CSMD1: variants seen among roughly 807,000 people sequenced by gnomAD.
CSMD1 encodes the protein CUB and Sushi multiple domains 1.
Under a neutral mutation model 417.5 loss-of-function variants are expected in CSMD1, and 213 were observed. The ratio of observed to expected loss-of-function variants is 0.51; its 90% CI spans 0.46 to 0.57. CSMD1 has a LOEUF of 0.57. Ranked by LOEUF, CSMD1 falls within the 20% of genes least tolerant of loss-of-function variation. The pLI is 0.00. For missense variants in CSMD1, 6,923 were observed against 4,529.7 expected (o/e 1.53, Z -15.17); for synonymous variants, 2,862 against 1,736.8 (o/e 1.65, Z -16.11).
In CSMD1 at chr8:3,452,368, T is replaced by G. The variant is rs527371021; in HGVS notation, c.1561+16344A>C. On this transcript the variant is annotated intron_variant, in intron 12 of 69. Coordinates refer to ENST00000635120, the MANE Select transcript of CSMD1 (RefSeq NM_033225.6). The stretch of plus-strand genomic sequence containing the variant: ...CCAACTCTATGTTGAATAGCAGTGG[T>G]GAGAGAGGGCACTCCTGTCTTGTGC... Among the ~76,000 whole-genome samples the G allele has an allele frequency of 4.1e-4, 62 of 152,304 alleles. 2 individuals are homozygous for G. The highest frequency in any genetic ancestry group is 1.4e-3 in the African/African-American group (60 of 41,572).
At chr8:3,821,978 C>T (rs1801761815) in intron 5 of CSMD1, among the ~76,000 whole-genome samples, 1 of 152,148 alleles carries the variant, frequency 6.6e-6, no homozygotes. Context: ...TTTCCCTTCA[C>T]ATTCTTTGCT....
chr8:4,108,306 T>A (rs910007325), intron 3 of CSMD1, among the ~76,000 whole-genome samples: 1 of 152,208 alleles, frequency 6.6e-6, no homozygotes, highest in Admixed American at 6.5e-5. Context: ...TAAACTCATA[T>A]GACAATTGTA....
At chr8:3,810,028 C>A (rs897879917) in intron 5 of CSMD1, among the ~76,000 whole-genome samples, 1 of 152,166 alleles carries the variant, frequency 6.6e-6, no homozygotes, top group Non-Finnish European at 1.5e-5. Flanking sequence ...TTAATTGCTG[C>A]CATGTCTGTA....
At chr8:4,754,959 A>G (rs1465728624) in intron 1 of CSMD1, among the ~76,000 whole-genome samples, 5 of 152,078 alleles carry the variant, frequency 3.3e-5, no homozygotes, top group African/African-American at 1.2e-4. Flanking sequence ...CAACATAGTG[A>G]AACCCTGTCT....
intron 5 of CSMD1, among the ~76,000 whole-genome samples, chr8:3,857,296 G>A (rs142884289): frequency 1.6e-3 from 249 of 152,200 alleles, no homozygotes; most frequent in African/African-American, 5.8e-3. Flanking sequence ...TTTAGCATTA[G>A]GAGGGTTTTT....
intron 12 of CSMD1, among the ~76,000 whole-genome samples, chr8:3,445,521 C>A (rs1000295081): frequency 2.0e-5 from 3 of 152,126 alleles, no homozygotes; most frequent in Non-Finnish European, 2.9e-5. Context: ...GTGCACAACT[C>A]TTTTCATTAC....
intron 21 of CSMD1, among the ~76,000 whole-genome samples, chr8:3,355,559 G>GT (rs1278842173): frequency 2.0e-5 from 3 of 152,138 alleles, no homozygotes; most frequent in Non-Finnish European, 4.4e-5. Context: ...CCCAGGACTT[G>GT]TACATAAGCG....
intron 5 of CSMD1, among the ~76,000 whole-genome samples, chr8:3,766,549 C>T (rs1179832398): frequency 6.6e-6 from 1 of 151,996 alleles, no homozygotes; most frequent in Non-Finnish European, 1.5e-5. Flanking sequence ...GCAGTCGGCA[C>T]TGGCAATGGA....
At chr8:4,914,902 A>T (rs1195781516) in intron 1 of CSMD1, among the ~76,000 whole-genome samples, 2 of 152,214 alleles carry the variant, frequency 1.3e-5, no homozygotes, top group Non-Finnish European at 2.9e-5. Context: ...GGTATTCCCA[A>T]GTCACAGAAA....
chr8:4,132,116 C>G (rs975131681), intron 3 of CSMD1, among the ~76,000 whole-genome samples: 1 of 151,388 alleles, frequency 6.6e-6, no homozygotes, highest in African/African-American at 2.4e-5. Flanking sequence ...TCCCCAAAGT[C>G]TGTCTTGACA....
At chr8:3,332,282 T>C (rs1806954973) in intron 23 of CSMD1, among the ~76,000 whole-genome samples, 1 of 152,248 alleles carries the variant, frequency 6.6e-6, no homozygotes, top group African/African-American at 2.4e-5. Flanking sequence ...GCCCTCTTGC[T>C]TTGCATGTGA....
At chr8:3,459,049 G>C (rs751512540) in intron 12 of CSMD1, among the ~76,000 whole-genome samples, 2 of 152,234 alleles carry the variant, frequency 1.3e-5, no homozygotes, top group Non-Finnish European at 2.9e-5. Context: ...CCGGAGAGAA[G>C]GGAAGCGGCA....
chr8:3,574,753 A>T (rs970578413), intron 10 of CSMD1, among the ~76,000 whole-genome samples, 192 bp downstream of exon 10: 4 of 152,230 alleles, frequency 2.6e-5, no homozygotes, highest in African/African-American at 9.6e-5. Context: ...CAGTGAGAAT[A>T]CTCACTTTGC....
intron 3 of CSMD1, among the ~76,000 whole-genome samples, chr8:4,255,488 C>G (rs566115138): frequency 6.6e-5 from 10 of 152,302 alleles, no homozygotes; most frequent in African/African-American, 2.2e-4. Flanking sequence ...CATTATAGAT[C>G]TCATTTGAAA....
chr8:4,166,340 C>T (rs532492361), intron 3 of CSMD1, among the ~76,000 whole-genome samples: 17 of 152,186 alleles, frequency 1.1e-4, no homozygotes, highest in Admixed American at 2.0e-4. Flanking sequence ...AAAGACCATA[C>T]GTATTATACA....
chr8:3,602,720 C>A (rs1045488483), intron 8 of CSMD1, among the ~76,000 whole-genome samples: 2 of 82,664 alleles, frequency 2.4e-5, no homozygotes, highest in Admixed American at 3.1e-4. Context: ...AAGAATTACA[C>A]ACACACACAC....
chr8:3,041,432 AAT>A (rs912101744), intron 50 of CSMD1, among the ~76,000 whole-genome samples: 9 of 152,208 alleles, frequency 5.9e-5, no homozygotes, highest in Admixed American at 4.6e-4. Flanking sequence ...CTAACATGAA[AAT>A]ACACACCTTG....
chr8:4,769,301 C>G (rs774083403), intron 1 of CSMD1, among the ~76,000 whole-genome samples: 1 of 152,136 alleles, frequency 6.6e-6, no homozygotes, highest in African/African-American at 2.4e-5. Context: ...AGGAATCTTT[C>G]TCAGTGTGAT....
chr8:4,153,211 G>A (rs942903082), intron 3 of CSMD1, among the ~76,000 whole-genome samples: 2 of 152,148 alleles, frequency 1.3e-5, no homozygotes, highest in Non-Finnish European at 1.5e-5. Flanking sequence ...CGCTAACTCA[G>A]CAACTCACCC....
Sources: allele counts gnomAD v4.1 joint callset (sites outside exome capture counted in the v4.1 genomes callset), GRCh38; gene constraint gnomAD v4.1.1; transcripts MANE v1.5; gene names NCBI Gene and HGNC (gene_info 2026-07-23, HGNC 2026-07-21).